NRXN1: variants seen among roughly 807,000 people sequenced by gnomAD.
NRXN1 encodes the protein neurexin 1.
A neutral mutation model predicts 150.9 loss-of-function variants in NRXN1; 39 were observed. The observed-to-expected ratio is 0.26, with a 90% CI of 0.20 to 0.34. The LOEUF (loss-of-function observed/expected upper bound fraction) is 0.34. Among genes scored for constraint, NRXN1 ranks in the 10% least tolerant of loss-of-function variants. The probability of loss-of-function intolerance (pLI) is 1.00; values close to 1 mark genes in which losing one functional copy is unlikely to be tolerated. For missense variants in NRXN1, 1,815 were observed against 1,949.9 expected (o/e 0.93, Z 1.30); for synonymous variants, 924 against 757.0 (o/e 1.22, Z -3.62).
At chr2:50,761,506 C>A (rs954331608) in intron 5 of NRXN1, among the ~76,000 whole-genome samples, 1 of 151,890 alleles carries the variant, frequency 6.6e-6, no homozygotes, top group Non-Finnish European at 1.5e-5. Context: ...TGAGGCCTCC[C>A]AGCCATGTGG....
intron 5 of NRXN1, among the ~76,000 whole-genome samples, chr2:50,867,775 C>T (rs775022356): frequency 2.0e-5 from 3 of 151,740 alleles, no homozygotes; most frequent in Admixed American, 2.0e-4. Context: ...ATGGGAGTTA[C>T]TACTCTTGGG....
At chr2:50,418,743 G>A (rs2104216074) in intron 17 of NRXN1, among the ~76,000 whole-genome samples, 2 of 152,086 alleles carry the variant, frequency 1.3e-5, no homozygotes, top group Admixed American at 1.3e-4. Flanking sequence ...TGCTGTAGCA[G>A]AGGAATCAGT....
chr2:50,382,271 T>C (rs1305205126), intron 17 of NRXN1, among the ~76,000 whole-genome samples: 1 of 152,182 alleles, frequency 6.6e-6, no homozygotes, highest in African/African-American at 2.4e-5. Context: ...ACTTCCCCAT[T>C]GTATTGATTT....
rs1300843678 is a variant in NRXN1 at position 49,919,323 on chromosome 2, G to C, written c.*2621C>G. On this transcript the variant is annotated 3_prime_UTR_variant, in exon 23 of 23. Transcript: ENST00000401669. ...ATTGAGGAAAAAATAATTTTTGCTA[G>C]AGTTTGTGTAAGCCAATAATATTAG... The C allele has an allele frequency of 6.6e-6, 1 of 151,880 alleles. No individual in the cohort carries two copies. The highest frequency in any genetic ancestry group is 2.4e-5 in the African/African-American group (1 of 41,370). 9.4% of individuals were successfully genotyped at this position (151,880 alleles called of 1,614,324 possible).
chr2:50,001,046 A>G (rs1017358910), intron 21 of NRXN1, among the ~76,000 whole-genome samples: 1 of 152,134 alleles, frequency 6.6e-6, no homozygotes. Context: ...GCTCAAAAGG[A>G]AAGAGAGAAT....
At chr2:50,020,967 C>G (rs988855562) in intron 21 of NRXN1, among the ~76,000 whole-genome samples, 1 of 152,070 alleles carries the variant, frequency 6.6e-6, no homozygotes, top group East Asian at 1.9e-4. Context: ...TTTTCTCATG[C>G]CAAGTCAAAC....
intron 5 of NRXN1, among the ~76,000 whole-genome samples, chr2:50,722,828 G>A (rs556481178): frequency 2.6e-5 from 4 of 152,208 alleles, no homozygotes; most frequent in Admixed American, 2.6e-4. Flanking sequence ...TTCCACAGAT[G>A]GCCTCATGAG....
At chr2:50,023,321 C>T (rs1404589237) in intron 21 of NRXN1, 2 of 152,088 alleles carry the variant, frequency 1.3e-5, no homozygotes, top group African/African-American at 4.8e-5. Context: ...TTTTTCAATG[C>T]CATTTGCAAA....
intron 13 of NRXN1, among the ~76,000 whole-genome samples, chr2:50,505,415 G>A (rs1344908117): frequency 6.6e-6 from 1 of 152,132 alleles, no homozygotes; most frequent in African/African-American, 2.4e-5. Context: ...TTCTGTTGTA[G>A]TTCTGGCATG....
At chr2:50,781,563 A>T (rs187953492) in intron 5 of NRXN1, among the ~76,000 whole-genome samples, 69 of 152,332 alleles carry the variant, frequency 4.5e-4, no homozygotes, top group African/African-American at 1.6e-3. Context: ...CTTACCTGTG[A>T]AACCTCACGA....
At chr2:50,881,073 T>C (rs1679356150) in intron 5 of NRXN1, among the ~76,000 whole-genome samples, 1 of 151,930 alleles carries the variant, frequency 6.6e-6, no homozygotes, top group African/African-American at 2.4e-5. Context: ...TAAAGCAACT[T>C]TAAAACTTTA....
At chr2:50,898,116 C>G (rs558737079) in intron 5 of NRXN1, among the ~76,000 whole-genome samples, 1 of 152,042 alleles carries the variant, frequency 6.6e-6, no homozygotes, top group Non-Finnish European at 1.5e-5. Context: ...AGATAAAGTT[C>G]TCCTATTAAG....
At chr2:50,161,427 A>G (rs2059358155) in intron 18 of NRXN1, among the ~76,000 whole-genome samples, 1 of 145,008 alleles carries the variant, frequency 6.9e-6, no homozygotes, top group Non-Finnish European at 1.5e-5. Flanking sequence ...TAATGAACAG[A>G]TTCAAGACAT....
At chr2:50,040,894 T>G (rs889484660) in intron 21 of NRXN1, among the ~76,000 whole-genome samples, 3 of 152,152 alleles carry the variant, frequency 2.0e-5, no homozygotes, top group Non-Finnish European at 2.9e-5. Context: ...ACTTTAAGTT[T>G]TAGGGTACAT....
At chr2:50,078,137 A>T (rs1469566222) in intron 19 of NRXN1, among the ~76,000 whole-genome samples, 3 of 152,010 alleles carry the variant, frequency 2.0e-5, no homozygotes, top group Non-Finnish European at 4.4e-5. Context: ...TTAAGAACCA[A>T]CTCCAGTATT....
intron 5 of NRXN1, among the ~76,000 whole-genome samples, chr2:50,731,786 G>A (rs1698139681): frequency 6.6e-6 from 1 of 152,126 alleles, no homozygotes; most frequent in African/African-American, 2.4e-5. Flanking sequence ...TACAGAATTA[G>A]AAAGTGAAAA....
intron 8 of NRXN1, among the ~76,000 whole-genome samples, chr2:50,597,187 C>A (rs1352131038): frequency 6.6e-6 from 1 of 152,064 alleles, no homozygotes; most frequent in Non-Finnish European, 1.5e-5. Flanking sequence ...AGGGTCTTGT[C>A]TTGAGGAGGG....
At chr2:50,366,152 CT>C (rs35589416) in intron 17 of NRXN1, among the ~76,000 whole-genome samples, 9,319 of 132,374 alleles carry the variant, frequency 0.07, 738 homozygotes, top group East Asian at 0.35. Context: ...CGGCTGGACA[CT>C]TTTTTTTTTT....
chr2:50,722,827 T>G (rs1696853389), intron 5 of NRXN1, among the ~76,000 whole-genome samples: 1 of 152,174 alleles, frequency 6.6e-6, no homozygotes, highest in African/African-American at 2.4e-5. Flanking sequence ...TTTCCACAGA[T>G]GGCCTCATGA....
Sources: allele counts gnomAD v4.1 joint callset (sites outside exome capture counted in the v4.1 genomes callset), GRCh38; gene constraint gnomAD v4.1.1; transcripts MANE v1.5; gene names NCBI Gene and HGNC (gene_info 2026-07-23, HGNC 2026-07-21).